The following STAG1 variants were observed in gnomAD, a reference collection of about 807,000 sequenced individuals.
The protein encoded by STAG1 is cohesin subunit SA-1.
In STAG1, 26 loss-of-function variants were observed where a neutral mutation model predicts 170.9. The observed-to-expected ratio is 0.15, with a 90% confidence interval of 0.11 to 0.21. STAG1 has a LOEUF of 0.21. Among genes scored for constraint, STAG1 ranks in the 10% least tolerant of loss-of-function variants. STAG1 has a pLI of 1.00. For synonymous variants in STAG1, 514 were observed against 497.7 expected (o/e 1.03, Z -0.44); for missense variants, 964 against 1,509.5 (o/e 0.64, Z 5.99).
At chr3:136,338,303 TATTA>T (rs754834612) in intron 33 of STAG1, 26 bp from the exon 34 acceptor site, 1 of 1,339,928 alleles carries the variant, frequency 7.5e-7, no homozygotes, top group Non-Finnish European at 1.0e-6. Context: ...GAAACATAAT[TATTA>T]ATTTCATGCA....
At chr3:136,746,842 A>T (rs1302142041) in intron 1 of STAG1, among the ~76,000 whole-genome samples, 1 of 152,094 alleles carries the variant, frequency 6.6e-6, no homozygotes, top group East Asian at 1.9e-4. Context: ...CAAGCCTGTA[A>T]TCCCAGCACT....
chr3:136,373,403 C>T (rs1007493488), intron 23 of STAG1, among the ~76,000 whole-genome samples: 38 of 151,966 alleles, frequency 2.5e-4, no homozygotes, highest in Non-Finnish European at 3.2e-4. Flanking sequence ...TTTGAATGTG[C>T]TTGCTCTTGT....
chr3:136,680,443 GAA>G (rs1942295492), intron 1 of STAG1, among the ~76,000 whole-genome samples: 1 of 151,842 alleles, frequency 6.6e-6, no homozygotes, highest in Non-Finnish European at 1.5e-5. Context: ...TGAGTAGAGA[GAA>G]AAAGAGTAAC....
intron 5 of STAG1, among the ~76,000 whole-genome samples, chr3:136,555,705 G>GTCAA (rs1005455412): frequency 1.5e-5 from 2 of 133,102 alleles, no homozygotes; most frequent in East Asian, 2.0e-4. Context: ...CAATCAATCA[G>GTCAA]TCAATCAATC....
chr3:136,594,470 T>C (rs1011188628), intron 4 of STAG1, among the ~76,000 whole-genome samples: 3 of 152,126 alleles, frequency 2.0e-5, no homozygotes, highest in African/African-American at 4.8e-5. Context: ...ACCTTCAAAG[T>C]CAGTTGTCAA....
At chr3:136,610,012 G>T (rs1939187313) in intron 3 of STAG1, among the ~76,000 whole-genome samples, 1 of 151,874 alleles carries the variant, frequency 6.6e-6, no homozygotes, top group Non-Finnish European at 1.5e-5. Flanking sequence ...TATTTCTATT[G>T]CATGTTTTTT....
chr3:136,473,695 A>C (rs2089677964), intron 10 of STAG1, 58 bp from the exon 11 acceptor site: 2 of 1,322,098 alleles, frequency 1.5e-6, no homozygotes. Context: ...TACAATTTTC[A>C]AGTCTATATG....
At chr3:136,749,090 C>T (rs1481644609) in intron 1 of STAG1, among the ~76,000 whole-genome samples, 4 of 152,172 alleles carry the variant, frequency 2.6e-5, no homozygotes, top group South Asian at 2.1e-4. Context: ...GTATCATGCC[C>T]TCCCCTTGAG....
intron 1 of STAG1, among the ~76,000 whole-genome samples, chr3:136,702,447 C>A (rs891551294): frequency 6.6e-6 from 1 of 152,096 alleles, no homozygotes; most frequent in Non-Finnish European, 1.5e-5. Flanking sequence ...AGTGCAATGG[C>A]GCGATCTCGG....
In STAG1 at chr3:136,727,541, C is replaced by T. The variant is rs983339386; in HGVS notation, c.-84+24654G>A. On this transcript the variant is annotated intron_variant, in intron 1 of 33. Transcript: ENST00000383202. ...CCTATAACAGATACTTGAGAAATGA[C>T]AGTTCTCTCGCCCCTTTAATCTACC... 3.3e-5 allele frequency among the ~76,000 whole-genome samples: 5 copies of T among 152,288 alleles called. No individual in the cohort carries two copies. The South Asian group carries it at 6.2e-4, about 19-fold the overall frequency.
chr3:136,508,949 T>C (rs920389077), intron 7 of STAG1, among the ~76,000 whole-genome samples: 3 of 152,254 alleles, frequency 2.0e-5, no homozygotes, highest in Non-Finnish European at 4.4e-5. Flanking sequence ...CTTAGTTCTG[T>C]TTCTCTGGGG....
intron 15 of STAG1, among the ~76,000 whole-genome samples, chr3:136,442,888 T>A (rs2088672398): frequency 6.6e-6 from 1 of 152,102 alleles, no homozygotes; most frequent in Non-Finnish European, 1.5e-5. Context: ...TAGCTGAGTG[T>A]GGTGGCATGT....
At chr3:136,544,904 T>C (rs1936086167) in intron 5 of STAG1, among the ~76,000 whole-genome samples, 1 of 152,208 alleles carries the variant, frequency 6.6e-6, no homozygotes, top group South Asian at 2.1e-4. Context: ...TTCTAAGTAA[T>C]TGCTCCATGT....
intron 7 of STAG1, among the ~76,000 whole-genome samples, chr3:136,513,068 G>C (rs1292832636): frequency 6.6e-6 from 1 of 152,116 alleles, no homozygotes; most frequent in African/African-American, 2.4e-5. Context: ...GACTTGGGCC[G>C]GGTGTAGTGG....
chr3:136,530,488 T>C (rs1323413084), intron 6 of STAG1, among the ~76,000 whole-genome samples: 1 of 152,164 alleles, frequency 6.6e-6, no homozygotes, highest in Non-Finnish European at 1.5e-5. Context: ...ATTATTCTCA[T>C]TAGCACATGG....
chr3:136,356,147 C>T (rs1936644531), intron 28 of STAG1, among the ~76,000 whole-genome samples: 2 of 151,978 alleles, frequency 1.3e-5, no homozygotes, highest in Admixed American at 1.3e-4. Flanking sequence ...ACCTCAGCCT[C>T]CGGAATAGCT....
At chr3:136,588,974 G>A (rs1937999155) in intron 4 of STAG1, among the ~76,000 whole-genome samples, 1 of 152,094 alleles carries the variant, frequency 6.6e-6, no homozygotes, top group East Asian at 2.0e-4. Flanking sequence ...TGTTGGCCAT[G>A]CTAATCTCGA....
intron 14 of STAG1, among the ~76,000 whole-genome samples, chr3:136,447,833 G>A (rs2088828681): frequency 6.6e-6 from 1 of 151,900 alleles, no homozygotes; most frequent in Admixed American, 6.6e-5. Flanking sequence ...TAGCCAGGAT[G>A]GTCTCGATCT....
chr3:136,619,328 A>G (rs1280332736), intron 3 of STAG1, among the ~76,000 whole-genome samples: 1 of 149,830 alleles, frequency 6.7e-6, no homozygotes, highest in Non-Finnish European at 1.5e-5. Flanking sequence ...CACTAGATAA[A>G]AATTCCTGCC....
Sources: gnomAD v4.1 joint callset for allele counts (sites outside exome capture counted in the v4.1 genomes callset) on GRCh38, gnomAD v4.1.1 for gene constraint, MANE v1.5 for transcripts, NCBI Gene and HGNC (gene_info 2026-07-23, HGNC 2026-07-21) for gene names.